The following OR1L8 variants were observed in gnomAD, a reference collection of about 807,000 sequenced individuals.
OR1L8 encodes olfactory receptor 1L8.
For synonymous variants in OR1L8, 148 were observed against 147.0 expected (o/e 1.01, Z -0.05); for missense variants, 330 against 377.4 (o/e 0.87, Z 1.04).
chr9:122,548,062 A>G, the OR1L8 span, among the ~76,000 whole-genome samples: 1 of 152,116 alleles, frequency 6.6e-6, no homozygotes, highest in Non-Finnish European at 1.5e-5. Flanking sequence ...CATTTTCCTC[A>G]TATGCTTATT....
chr9:122,582,630 G>A, intron 1 of OR1L8, among the ~76,000 whole-genome samples: 1 of 152,052 alleles, frequency 6.6e-6, no homozygotes. Flanking sequence ...TGACATGGAA[G>A]GATCACTTGA....
In OR1L8 at chr9:122,567,422, A is replaced by G; in HGVS notation, c.*126T>C. On this transcript the variant is annotated 3_prime_UTR_variant, in exon 5 of 5. Transcript: ENST00000641027. ...ATCATCAATGGATGTAAGTGCCCAC[A>G]ATAGCCTTGTCTCACATGGGTCAGA... 2 of 671,326 alleles carry G rather than the reference A, an allele frequency of 3.0e-6. No homozygotes were observed. The highest frequency in any genetic ancestry group is 4.1e-5 in the South Asian group (2 of 48,726). 41.6% of individuals were successfully genotyped at this position (671,326 alleles called of 1,614,324 possible).
At chr9:122,581,110 G>A (rs548262449) in intron 1 of OR1L8, among the ~76,000 whole-genome samples, 32 of 152,252 alleles carry the variant, frequency 2.1e-4, no homozygotes, top group South Asian at 1.2e-3. Flanking sequence ...GCTCACACCT[G>A]TAATCCCAGC....
chr9:122,582,399 G>T (rs1829748484), intron 1 of OR1L8, among the ~76,000 whole-genome samples: 1 of 152,070 alleles, frequency 6.6e-6, no homozygotes, highest in Non-Finnish European at 1.5e-5. Context: ...TAGAGATAAA[G>T]TTCCAAAATT....
In OR1L8 at chr9:122,568,379, G is replaced by A. The variant is rs1450599111; in HGVS notation, c.99C>T (p.Leu33=). 1.2e-6 allele frequency: 2 copies of A among 1,613,836 alleles called. No individual in the cohort carries two copies. Among genetic ancestry groups the A allele is most frequent in the East Asian group, 2.2e-5 (1 of 44,870 alleles). Residue 33 remains leucine, a synonymous_variant, in exon 5 of 5, where the codon CTC becomes CTT. Transcript: ENST00000641027. ...CTGTTATGGTGACCAGGTACACGAT[G>A]AGGAAGAGAACAAAGAGTGTCTTTT... The part of the protein sequence containing the change: ...EDQKTLFVLF[L]IVYLVTITGN...
chr9:122,567,807 G>T lies in OR1L8; in HGVS notation c.671C>A (p.Thr224Asn). The change falls in exon 5 of 5, where the codon ACT (threonine) becomes AAT (asparagine). Residue 224 changes from threonine to asparagine, a missense_variant. Thr to Asn is a moderately conservative substitution (Grantham distance 65). Transcript: ENST00000641027. ...AGTAGAGGGAATCTTGAGAACTGTA[G>T]TGAGGATTCGTATATAAGAGAAAGC... ...CIAFSYIRIL[T>N]TVLKIPSTSG... 6.2e-7 allele frequency: 1 copy of T among 1,614,088 alleles called. No individual in the cohort carries two copies. Among genetic ancestry groups the T allele is most frequent in the Non-Finnish European group, 8.5e-7 (1 of 1,179,946 alleles).
At chr9:122,570,190 T>C (rs987140729) in intron 4 of OR1L8, among the ~76,000 whole-genome samples, 1 of 150,386 alleles carries the variant, frequency 6.6e-6, no homozygotes, top group African/African-American at 2.5e-5. Flanking sequence ...TTTGGGTATA[T>C]ACCCAGTAAT....
At chr9:122,554,242 T>A in the OR1L8 span, 1 of 1,097,486 alleles carries the variant, frequency 9.1e-7, no homozygotes, top group Non-Finnish European at 1.3e-6. Context: ...ACTACTGTCA[T>A]GTTGATATTA....
At chr9:122,562,523 G>A, downstream of OR1L8, among the ~76,000 whole-genome samples, 1 of 152,204 alleles carries the variant, frequency 6.6e-6, no homozygotes, top group Admixed American at 6.5e-5. Context: ...CCCAGGCTGG[G>A]TAGCACGCTC....
chr9:122,575,589 T>C (rs2118738157), intron 3 of OR1L8, among the ~76,000 whole-genome samples: 1 of 152,268 alleles, frequency 6.6e-6, no homozygotes, highest in East Asian at 1.9e-4. Context: ...CTCTGTCTTG[T>C]TTTCATAGTC....
chr9:122,567,549 T>G lies in OR1L8; in HGVS notation c.929A>C (p.Ter310SerextTer5), dbSNP rs201780946. 80 of 1,565,610 alleles carry G rather than the reference T, an allele frequency of 5.1e-5. No homozygotes were observed. In the Admixed American group the frequency reaches 1.5e-3, roughly 30 times the overall value. Reference protein sequence around the residue: ...GLRKLMSKRS* With the variant: ...GLRKLMSKRSS ...ACGAGTTTTTCAAGAGGGTGCTTCC[T>G]AGGATCTCTTGCTCATAAGCTTCCT... Residue 310 changes from the stop codon to serine, a stop_lost, in exon 5 of 5, where the codon TAG (stop) becomes TCG (serine). Coordinates refer to ENST00000641027, the MANE Select transcript of OR1L8 (RefSeq NM_001004454.2).
At chr9:122,552,079 T>TCTCA in the OR1L8 span, among the ~76,000 whole-genome samples, 24 of 142,212 alleles carry the variant, frequency 1.7e-4, no homozygotes, top group African/African-American at 3.4e-4. Context: ...TCTCTCTCTC[T>TCTCA]CACACACACA....
the OR1L8 span, among the ~76,000 whole-genome samples, chr9:122,552,755 T>A: frequency 1.5e-4 from 11 of 71,490 alleles, no homozygotes; most frequent in African/African-American, 5.3e-4. Context: ...CTTGAGTGTG[T>A]GTGTGTGTGT....
At position 122,567,173 on chromosome 9, in the gene OR1L8, A is replaced by C. The variant is rs1027916833; in HGVS notation, c.*375T>G. The C allele has an allele frequency of 2.5e-5, 4 of 162,552 alleles. No individual in the cohort carries two copies. Among genetic ancestry groups the C allele is most frequent in the African/African-American group, 4.8e-5 (2 of 41,888 alleles). The allele number at this position is 162,552 out of a possible 1,614,324, so 10.1% of individuals were successfully genotyped here. A position where few individuals can be genotyped will look rare whatever the true frequency, so the allele number is the denominator to read the frequency against. ...TTTTTTGCAAAAACATTCAATGGCT[A>C]CAAATTACACATTTTTCAGCAATAT... On this transcript the variant is annotated 3_prime_UTR_variant, in exon 5 of 5. Coordinates refer to ENST00000641027, the MANE Select transcript of OR1L8 (RefSeq NM_001004454.2).
At chr9:122,565,866 C>T (rs4836895), downstream of OR1L8, among the ~76,000 whole-genome samples, 88,386 of 151,970 alleles carry the variant, frequency 0.58, 26,215 homozygotes, top group East Asian at 0.97. Context: ...TGTTGACACC[C>T]ATGAGAATAC....
chr9:122,555,196 A>G, the OR1L8 span, among the ~76,000 whole-genome samples: 12 of 152,238 alleles, frequency 7.9e-5, no homozygotes, highest in Non-Finnish European at 1.6e-4. Flanking sequence ...CTCTGAGATC[A>G]AGTTCATCCG....
In OR1L8 at chr9:122,568,473, T is replaced by C. The variant is rs574868520; in HGVS notation, c.5A>G (p.Glu2Gly). 7 of 1,565,728 alleles carry C rather than the reference T, an allele frequency of 4.5e-6. No individual in the cohort carries two copies. In the East Asian group the frequency reaches 1.6e-4, roughly 35 times the overall value. Residue 2 changes from glutamate to glycine, a missense_variant, in exon 5 of 5, where the codon GAA (glutamate) becomes GGA (glycine). Physicochemically the swap from Glu to Gly is moderately conservative, Grantham distance 98. Transcript: ENST00000641027. ...GACACTGCTGGTGTGGTTGATTCTT[T>C]CCATTGACTTGGGCTCAGTTATAAA... MERINHTSSVSE... is the reference protein window; with the variant it reads MGRINHTSSVSE...
At chr9:122,566,483 T>C (rs564987965), downstream of OR1L8, among the ~76,000 whole-genome samples, 1 of 152,346 alleles carries the variant, frequency 6.6e-6, no homozygotes, top group South Asian at 2.1e-4. Context: ...TTACATTTGT[T>C]CCATATCTTA....
chr9:122,568,294 A>T lies in OR1L8; in HGVS notation c.184T>A (p.Phe62Ile). The T allele has an allele frequency of 6.2e-7, 1 of 1,614,170 alleles. No homozygotes were observed. Among genetic ancestry groups the T allele is most frequent in the South Asian group, 1.1e-5 (1 of 91,078 alleles). ...GTGAGAGACAGAAAACTCAAGAAGA[A>T]ATACATAGGGGTCTGAAGATGGGGG... ...FNPHLQTPMYFFLSFLSLTDI... is the reference protein window; with the variant it reads ...FNPHLQTPMYIFLSFLSLTDI... The change falls in exon 5 of 5, where the codon TTC becomes ATC. Residue 62 changes from phenylalanine to isoleucine, a missense_variant. Transcript: ENST00000641027.
Sources: allele counts gnomAD v4.1 joint callset (sites outside exome capture counted in the v4.1 genomes callset), GRCh38; gene constraint gnomAD v4.1.1; transcripts MANE v1.5; gene names NCBI Gene and HGNC (gene_info 2026-07-23, HGNC 2026-07-21).